Variants in TMEM200A observed in about 807,000 individuals in gnomAD.
The protein encoded by TMEM200A is two transmembrane C.
In TMEM200A, 12 loss-of-function variants were observed where a neutral mutation model predicts 24.3. The ratio of observed to expected loss-of-function variants is 0.49; its 90% CI spans 0.32 to 0.80. The LOEUF (loss-of-function observed/expected upper bound fraction) is 0.80. Ranked by LOEUF, TMEM200A falls within the 30% of genes least tolerant of loss-of-function variation. The probability of loss-of-function intolerance (pLI) is 0.04; values close to 1 mark genes in which losing one functional copy is unlikely to be tolerated. For missense variants in TMEM200A, 545 were observed against 614.4 expected (o/e 0.89, Z 1.19); for synonymous variants, 224 against 224.4 (o/e 1.00, Z 0.02).
At chr6:130,395,752 G>A (rs1354725504) in intron 2 of TMEM200A, among the ~76,000 whole-genome samples, 4 of 152,174 alleles carry the variant, frequency 2.6e-5, no homozygotes, top group Non-Finnish European at 5.9e-5. Context: ...AGGGGATTGC[G>A]TTATGTATCC....
chr6:130,413,106 T>G (rs1421051115), intron 2 of TMEM200A, among the ~76,000 whole-genome samples: 5 of 152,210 alleles, frequency 3.3e-5, no homozygotes, highest in Admixed American at 2.6e-4. Flanking sequence ...TCATTTACCT[T>G]GCATCATATC....
chr6:130,386,267 A>G (rs9492566), intron 2 of TMEM200A, among the ~76,000 whole-genome samples: 73,999 of 151,936 alleles, frequency 0.49, 22,114 homozygotes, highest in African/African-American at 0.85. Flanking sequence ...GTATGTGGGA[A>G]TGTTTTCTGT....
At chr6:130,380,071 T>G (rs548196170) in intron 1 of TMEM200A, among the ~76,000 whole-genome samples, 1 of 152,356 alleles carries the variant, frequency 6.6e-6, no homozygotes, top group South Asian at 2.1e-4. Context: ...TTTCTTCAAT[T>G]TAATCTATAA....
intron 2 of TMEM200A, among the ~76,000 whole-genome samples, chr6:130,400,655 TC>T (rs1322790890): frequency 3.3e-5 from 5 of 152,028 alleles, no homozygotes; most frequent in Admixed American, 6.6e-5. Context: ...TTAGTTTTCT[TC>T]ACTATAATTT....
At chr6:130,398,148 C>T (rs1043661434) in intron 2 of TMEM200A, among the ~76,000 whole-genome samples, 3 of 151,970 alleles carry the variant, frequency 2.0e-5, no homozygotes, top group African/African-American at 7.3e-5. Flanking sequence ...AAGTAGTCCC[C>T]GGTGCCTGTT....
At chr6:130,407,619 A>T (rs1779235596) in intron 2 of TMEM200A, among the ~76,000 whole-genome samples, 1 of 152,218 alleles carries the variant, frequency 6.6e-6, no homozygotes, top group African/African-American at 2.4e-5. Context: ...ATAAATGCTT[A>T]CTATGTTTAA....
At chr6:130,369,811 A>T (rs1478415239) in intron 1 of TMEM200A, among the ~76,000 whole-genome samples, 1 of 152,180 alleles carries the variant, frequency 6.6e-6, no homozygotes, top group African/African-American at 2.4e-5. Flanking sequence ...AAGGTGTAAG[A>T]TGAGTGTCTG....
chr6:130,441,876 G>A lies in TMEM200A; in HGVS notation c.1454G>A (p.Gly485Glu). The A allele has an allele frequency of 6.9e-6, 11 of 1,602,462 alleles. No homozygotes were observed. The highest frequency in any genetic ancestry group is 9.4e-6 in the Non-Finnish European group (11 of 1,175,578). ...TTTTTGAGTAACAACCTAAAGAGGG[G>A]AACTTCTGAAACAAGGTTTTAATGT... ...DEFLSNNLKR[G>E]TSETRF The change falls in exon 3 of 3, where the codon GGA (glycine) becomes GAA (glutamate). Residue 485 changes from glycine to glutamate, a missense_variant. By Grantham distance (98) the Gly-to-Glu change is moderately conservative. Coordinates refer to ENST00000296978, the MANE Select transcript of TMEM200A (RefSeq NM_001258277.2).
intron 2 of TMEM200A, among the ~76,000 whole-genome samples, chr6:130,439,857 G>A (rs374837796): frequency 6.6e-6 from 1 of 152,122 alleles, no homozygotes; most frequent in African/African-American, 2.4e-5. Flanking sequence ...ATTAAATGTG[G>A]CAGCTAAGAA....
intron 2 of TMEM200A, among the ~76,000 whole-genome samples, chr6:130,398,258 A>G (rs1418102907): frequency 2.0e-5 from 3 of 151,868 alleles, no homozygotes; most frequent in Admixed American, 2.0e-4. Context: ...TCTCAGGTTA[A>G]TGGCCTCCAG....
intron 2 of TMEM200A, among the ~76,000 whole-genome samples, chr6:130,401,338 A>C (rs1419243433): frequency 6.6e-6 from 1 of 151,438 alleles, no homozygotes; most frequent in Non-Finnish European, 1.5e-5. Flanking sequence ...TATTACAGAT[A>C]ATTTAGATCC....
chr6:130,374,055 G>A (rs1213252518), intron 1 of TMEM200A, among the ~76,000 whole-genome samples: 2 of 152,090 alleles, frequency 1.3e-5, no homozygotes, highest in African/African-American at 4.8e-5. Flanking sequence ...GCAGATAGGG[G>A]CCCATGATAG....
intron 1 of TMEM200A, among the ~76,000 whole-genome samples, chr6:130,371,710 G>A (rs74407688): frequency 6.6e-6 from 1 of 152,208 alleles, no homozygotes; most frequent in Non-Finnish European, 1.5e-5. Flanking sequence ...AGGGTTTGGG[G>A]TATAGCAAGG....
chr6:130,431,906 T>G lies in TMEM200A; in HGVS notation c.-16-8501T>G, dbSNP rs147107099. On this transcript the variant is annotated intron_variant, in intron 2 of 2. Transcript: ENST00000296978. ...GATGTACTTGACCATAAAGTAATAT[T>G]TTACATTTAATGACTTGAATATCAT... Among the ~76,000 whole-genome samples, 822 of 152,306 alleles carry G rather than the reference T, an allele frequency of 5.4e-3. 6 individuals are homozygous for G. The highest frequency in any genetic ancestry group is 0.019 in the African/African-American group (778 of 41,560).
At position 130,442,830 on chromosome 6, in the gene TMEM200A, A is replaced by C. The variant is rs1780229969; in HGVS notation, c.*932A>C. The C allele has an allele frequency of 6.0e-6, 1 of 166,912 alleles. No individual in the cohort carries two copies. The highest frequency in any genetic ancestry group is 2.1e-4 in the South Asian group (1 of 4,814). The allele number at this position is 166,912 out of a possible 1,614,324, so 10.3% of individuals were successfully genotyped here. On this transcript the variant is annotated 3_prime_UTR_variant, in exon 3 of 3. Coordinates refer to ENST00000296978, the MANE Select transcript of TMEM200A (RefSeq NM_001258277.2). ...TCTATTTTCCCCCGGTATTCTTTAG[A>C]TCCTAGTATTTGGAAAACAATCGGC...
At chr6:130,378,698 G>T (rs1161397938) in intron 1 of TMEM200A, among the ~76,000 whole-genome samples, 1 of 150,320 alleles carries the variant, frequency 6.7e-6, no homozygotes, top group Non-Finnish European at 1.5e-5. Context: ...ACTCCAGCCT[G>T]GGTGACAGAG....
At chr6:130,429,403 T>A (rs991695881) in intron 2 of TMEM200A, among the ~76,000 whole-genome samples, 1 of 152,128 alleles carries the variant, frequency 6.6e-6, no homozygotes, top group African/African-American at 2.4e-5. Context: ...GCGCCTGTAA[T>A]CCCAGCTACT....
intron 2 of TMEM200A, among the ~76,000 whole-genome samples, chr6:130,422,459 G>T (rs1344290467): frequency 6.6e-6 from 1 of 151,978 alleles, no homozygotes; most frequent in Non-Finnish European, 1.5e-5. Flanking sequence ...AGTAGAGGGG[G>T]TTTCACCATG....
Position 130,388,840 on chromosome 6 carries a change from T to C in TMEM200A, c.-17+3604T>C, listed in dbSNP as rs116103552. On this transcript the variant is annotated intron_variant, in intron 2 of 2. Coordinates refer to ENST00000296978, the MANE Select transcript of TMEM200A (RefSeq NM_001258277.2). Reference sequence around the variant, plus strand: ...CAACCACTGCAGATAAGTGTGTTTATAAAATCACCTAACTCATGACATTTG... The same window carrying C: ...CAACCACTGCAGATAAGTGTGTTTACAAAATCACCTAACTCATGACATTTG... 1.2e-3 allele frequency among the ~76,000 whole-genome samples: 186 copies of C among 152,332 alleles called. 1 individual carries two copies. The highest frequency in any genetic ancestry group is 4.4e-3 in the African/African-American group (183 of 41,582).
Sources: allele counts gnomAD v4.1 joint callset (sites outside exome capture counted in the v4.1 genomes callset), GRCh38; gene constraint gnomAD v4.1.1; transcripts MANE v1.5; gene names NCBI Gene and HGNC (gene_info 2026-07-23, HGNC 2026-07-21).